Variants in ARSG observed in about 807,000 individuals in gnomAD.
The protein encoded by ARSG is arylsulfatase G, also known as ASG.
Under a neutral mutation model 50.5 loss-of-function variants are expected in ARSG, and 37 were observed. That is an observed-to-expected ratio of 0.73 (90% CI 0.56 to 0.96). ARSG has a LOEUF of 0.96. ARSG is among the 50% of genes least tolerant of loss of function. The pLI, the probability that ARSG is intolerant of heterozygous loss-of-function variation, is 0.00. For synonymous variants in ARSG, 225 were observed against 254.6 expected (o/e 0.88, Z 1.11); for missense variants, 629 against 675.3 (o/e 0.93, Z 0.76).
chr17:68,422,549 G>A (rs1343013141), downstream of ARSG: 7 of 151,926 alleles, frequency 4.6e-5, no homozygotes, highest in African/African-American at 1.7e-4. Flanking sequence ...TGGCCAACAT[G>A]GTGAAATCCT....
At chr17:68,425,859 A>G, downstream of ARSG, 1 of 519,114 alleles carries the variant, frequency 1.9e-6, no homozygotes, top group Non-Finnish European at 3.4e-6. Context: ...CGGTGACTCT[A>G]ATGCCATCAG....
At chr17:68,424,207 G>A (rs145943696), downstream of ARSG, among the ~76,000 whole-genome samples, 32 of 152,244 alleles carry the variant, frequency 2.1e-4, no homozygotes, top group East Asian at 9.6e-4. Flanking sequence ...ACTGCTCTCC[G>A]CCACTGAGAT....
intron 8 of ARSG, among the ~76,000 whole-genome samples, chr17:68,376,852 C>A (rs1374385307): frequency 6.8e-6 from 1 of 146,386 alleles, no homozygotes; most frequent in East Asian, 2.0e-4. Flanking sequence ...TTGGAAAAGA[C>A]CTCAGTCATC....
At chr17:68,403,718 T>A (rs1387903967) in intron 11 of ARSG, among the ~76,000 whole-genome samples, 2 of 152,208 alleles carry the variant, frequency 1.3e-5, no homozygotes, top group Admixed American at 6.5e-5. Flanking sequence ...TCTTTTTTTT[T>A]ATTATTATAC....
At chr17:68,387,882 A>G (rs1029006758) in intron 9 of ARSG, among the ~76,000 whole-genome samples, 1 of 152,130 alleles carries the variant, frequency 6.6e-6, no homozygotes, top group Non-Finnish European at 1.5e-5. Flanking sequence ...GAAAAGTGAA[A>G]GAGAATGTGT....
chr17:68,450,991 C>A, the ARSG span: 1 of 1,485,050 alleles, frequency 6.7e-7, no homozygotes, highest in South Asian at 1.4e-5. Context: ...AGGCCAGGTT[C>A]CAAAGGTTCT....
intron 1 of ARSG, among the ~76,000 whole-genome samples, chr17:68,301,842 C>T (rs930483247): frequency 6.6e-6 from 1 of 151,978 alleles, no homozygotes; most frequent in Non-Finnish European, 1.5e-5. Flanking sequence ...TGCTTGGCTT[C>T]CTGATGGCTG....
At chr17:68,277,432 A>G (rs1211982585) in intron 1 of ARSG, among the ~76,000 whole-genome samples, 2 of 148,338 alleles carry the variant, frequency 1.3e-5, no homozygotes, top group African/African-American at 5.0e-5. Context: ...GCCCGGCCGC[A>G]ACTTTTTTCT....
intron 2 of ARSG, among the ~76,000 whole-genome samples, chr17:68,317,116 C>A (rs933696083): frequency 1.3e-5 from 2 of 152,098 alleles, no homozygotes; most frequent in East Asian, 3.9e-4. Context: ...ATCCGTACCA[C>A]AATTATGATG....
intron 1 of ARSG, among the ~76,000 whole-genome samples, chr17:68,279,992 G>A (rs2075641006): frequency 6.6e-6 from 1 of 151,880 alleles, no homozygotes; most frequent in Non-Finnish European, 1.5e-5. Context: ...GACCAGCCTG[G>A]CCAACATGGC....
At chr17:68,313,296 T>C (rs2076938195) in intron 2 of ARSG, among the ~76,000 whole-genome samples, 2 of 152,048 alleles carry the variant, frequency 1.3e-5, no homozygotes, top group Admixed American at 1.3e-4. Context: ...AAACATTACT[T>C]TGTCCTTTCA....
intron 11 of ARSG, among the ~76,000 whole-genome samples, chr17:68,403,524 C>T (rs1267342462): frequency 6.6e-6 from 1 of 152,128 alleles, no homozygotes; most frequent in Non-Finnish European, 1.5e-5. Context: ...TATTTGCATT[C>T]CAGTTACTTA....
Position 68,420,665 on chromosome 17 carries a change from A to G in ARSG, c.*202A>G, listed in dbSNP as rs760003220. The G allele has an allele frequency of 7.8e-6, 5 of 642,998 alleles. No individual in the cohort carries two copies. In the Admixed American group the frequency reaches 1.5e-4, roughly 19 times the overall value. The allele number at this position is 642,998 out of a possible 1,614,324, so 39.8% of individuals were successfully genotyped here. A position where few individuals can be genotyped will look rare whatever the true frequency, so the allele number is the denominator to read the frequency against. On this transcript the variant is annotated 3_prime_UTR_variant, in exon 12 of 12. Coordinates refer to ENST00000621439, the MANE Select transcript of ARSG (RefSeq NM_001267727.2). ...CAGCTGAGCTGCGCTGGCTCTGGGC[A>G]GGGAGTGTGCCTTAATGGGAAGCAC... is the stretch of plus-strand genomic sequence containing the variant.
At chr17:68,317,455 G>C (rs2077110529) in intron 2 of ARSG, among the ~76,000 whole-genome samples, 1 of 151,658 alleles carries the variant, frequency 6.6e-6, no homozygotes, top group South Asian at 2.1e-4. Context: ...AAATAATGAT[G>C]AACTGTTTTG....
chr17:68,451,302 T>C, the ARSG span, among the ~76,000 whole-genome samples: 14 of 152,262 alleles, frequency 9.2e-5, no homozygotes, highest in African/African-American at 2.9e-4. Flanking sequence ...GGTATGGTGG[T>C]GCACACCTGT....
Position 68,269,133 on chromosome 17 carries a change from T to G in ARSG, c.-552+9707T>G, listed in dbSNP as rs781828437. On this transcript the variant is annotated intron_variant, in intron 1 of 11. Coordinates refer to the ARSG transcript ENST00000448504. ...CATTTGCACGTGAACTCTGTGCTCA[T>G]TTTTTGCAAGATCCATTTCCAGAAA... 9.3e-6 allele frequency: 14 copies of G among 1,513,008 alleles called. 1 individual carries two copies. The highest frequency in any genetic ancestry group is 2.3e-5 in the Admixed American group (1 of 43,390). 93.7% of individuals were successfully genotyped at this position (1,513,008 alleles called of 1,614,324 possible).
intron 8 of ARSG, among the ~76,000 whole-genome samples, chr17:68,374,816 C>T (rs1417161371): frequency 6.7e-6 from 1 of 148,524 alleles, no homozygotes; most frequent in Non-Finnish European, 1.5e-5. Flanking sequence ...GATTGCACCA[C>T]TGCACTCCAG....
At position 68,284,142 on chromosome 17, in the gene ARSG, C is replaced by T. The variant is rs149581511; in HGVS notation, c.-551-22801C>T. On this transcript the variant is annotated intron_variant, in intron 1 of 11. Transcript: ENST00000448504. ...AAAAAAAAAGCTGGGCGCAGTGGCTCATGCCTGTAATCCTTTGGGAGGCCA... is the reference window on the plus strand; with the variant it reads ...AAAAAAAAAGCTGGGCGCAGTGGCTTATGCCTGTAATCCTTTGGGAGGCCA... Among the ~76,000 whole-genome samples the T allele has an allele frequency of 7.1e-3, 1,054 of 147,940 alleles. 7 individuals are homozygous for T. The highest frequency in any genetic ancestry group is 0.01 in the Non-Finnish European group (698 of 67,306).
the ARSG span, among the ~76,000 whole-genome samples, chr17:68,432,669 C>T: frequency 6.6e-6 from 1 of 152,196 alleles, no homozygotes; most frequent in Non-Finnish European, 1.5e-5. Flanking sequence ...CCAGCCTCTA[C>T]ACCTTCCTCT....
Sources: allele counts gnomAD v4.1 joint callset (sites outside exome capture counted in the v4.1 genomes callset), GRCh38; gene constraint gnomAD v4.1.1; transcripts MANE v1.5; gene names NCBI Gene and HGNC (gene_info 2026-07-23, HGNC 2026-07-21).